The following WWOX variants were observed in gnomAD, a reference collection of about 807,000 sequenced individuals.
WWOX encodes WW domain containing oxidoreductase.
WWOX carries 69 observed loss-of-function variants against 46.2 expected under a neutral mutation model. The ratio of observed to expected loss-of-function variants is 1.49; its 90% CI spans 1.23 to 1.82. The LOEUF is 1.82. Among genes scored for constraint, WWOX ranks in the 40% most tolerant of loss-of-function variants. WWOX has a pLI of 0.00. For synonymous variants in WWOX, 359 were observed against 202.6 expected, an observed-to-expected ratio of 1.77 and a Z score of -6.56; for missense variants, 919 against 542.6, an observed-to-expected ratio of 1.69 and a Z score of -6.89.
intron 8 of WWOX, among the ~76,000 whole-genome samples, chr16:78,979,694 C>T (rs1251893116): frequency 3.9e-5 from 6 of 152,224 alleles, no homozygotes; most frequent in Admixed American, 1.3e-4. Flanking sequence ...CCTGTGTAGC[C>T]GTCCATGCTT....
intron 8 of WWOX, among the ~76,000 whole-genome samples, chr16:78,867,942 T>C (rs1040258001): frequency 3.9e-5 from 6 of 152,196 alleles, no homozygotes; most frequent in Admixed American, 2.6e-4. Context: ...CTGGTGGGAA[T>C]GTAAAATGGT....
intron 5 of WWOX, among the ~76,000 whole-genome samples, chr16:78,375,248 A>G (rs1269489777): frequency 6.6e-6 from 1 of 152,242 alleles, no homozygotes; most frequent in Non-Finnish European, 1.5e-5. Flanking sequence ...TCTGCATACC[A>G]AGCACATATC....
chr16:78,376,930 G>C (rs2081843597), intron 5 of WWOX, among the ~76,000 whole-genome samples: 1 of 152,186 alleles, frequency 6.6e-6, no homozygotes, highest in South Asian at 2.1e-4. Context: ...AACCAGAACA[G>C]ACAAATCTTG....
At chr16:78,711,710 A>G (rs1387619723) in intron 8 of WWOX, among the ~76,000 whole-genome samples, 6 of 152,204 alleles carry the variant, frequency 3.9e-5, no homozygotes, top group Non-Finnish European at 7.3e-5. Flanking sequence ...CAGTTTGAAT[A>G]TAAGTGTTCC....
intron 8 of WWOX, among the ~76,000 whole-genome samples, chr16:78,645,423 G>A (rs2046816540): frequency 6.6e-6 from 1 of 152,110 alleles, no homozygotes; most frequent in Non-Finnish European, 1.5e-5. Context: ...CTTTTGTGTT[G>A]CTATAAAGGA....
At chr16:79,056,732 G>A (rs191699733) in intron 8 of WWOX, among the ~76,000 whole-genome samples, 57 of 152,222 alleles carry the variant, frequency 3.7e-4, no homozygotes, top group African/African-American at 1.1e-3. Context: ...CTTCTCTACC[G>A]TATCCCTTTA....
Position 78,383,483 on chromosome 16 carries a change from C to G in WWOX, c.517-3377C>G, listed in dbSNP as rs774485146. On this transcript the variant is annotated intron_variant, in intron 5 of 8. Coordinates refer to ENST00000566780, the MANE Select transcript of WWOX (RefSeq NM_016373.4). ...CACTGCCAGACCTGGGAGGAAATCT[C>G]ACCTTGGCAGATCGAGTCTCTTGTC... is the stretch of plus-strand genomic sequence containing the variant. Among the ~76,000 whole-genome samples, 220 of 152,268 alleles carry G rather than the reference C, an allele frequency of 1.4e-3. 2 individuals carry two copies. Among genetic ancestry groups the G allele is most frequent in the Non-Finnish European group, 2.6e-3 (179 of 68,018 alleles).
Position 78,527,991 on chromosome 16 carries a change from C to CTTTTTTTTTTTTTTTTTTTTTTTTTT in WWOX, c.1056+95264_1056+95265insTTTTTTTTTTTTTTTTTTTTTTTTTT, listed in dbSNP as rs71140808. ...CTATGTCACAGGACTGGTACATGTC[C>CTTTTTTTTTTTTTTTTTTTTTTTTTT]TTTTTTTTTTTTTTTTTTTTTTTTT... On this transcript the variant is annotated intron_variant, in intron 8 of 8. Coordinates refer to ENST00000566780, the MANE Select transcript of WWOX (RefSeq NM_016373.4). Among the ~76,000 whole-genome samples, 33 of 34,882 alleles carry CTTTTTTTTTTTTTTTTTTTTTTTTTT rather than the reference C, an allele frequency of 9.5e-4. 3 individuals are homozygous for CTTTTTTTTTTTTTTTTTTTTTTTTTT. Among genetic ancestry groups the CTTTTTTTTTTTTTTTTTTTTTTTTTT allele is most frequent in the East Asian group, 2.0e-3 (2 of 1,024 alleles). 22.9% of individuals were successfully genotyped at this position (34,882 alleles called of 152,430 possible).
rs2084108918 is a variant in WWOX, at chr16:78,467,494, C to G, written c.1056+34742C>G. On this transcript the variant is annotated intron_variant, in intron 8 of 8. Coordinates refer to ENST00000566780, the MANE Select transcript of WWOX (RefSeq NM_016373.4). ...GATCAAAGGACCTCTTTTCATTGTTCTTTTATTGTTTATTGACTTCAAAAA... is the reference window on the plus strand; with the variant it reads ...GATCAAAGGACCTCTTTTCATTGTTGTTTTATTGTTTATTGACTTCAAAAA... 2.0e-5 allele frequency among the ~76,000 whole-genome samples: 3 copies of G among 152,086 alleles called. No individual in the cohort carries two copies. In the South Asian group the frequency reaches 6.2e-4, roughly 31 times the overall value.
intron 4 of WWOX, among the ~76,000 whole-genome samples, chr16:78,158,389 A>C (rs1597284077): frequency 6.6e-6 from 1 of 152,180 alleles, no homozygotes; most frequent in Admixed American, 6.5e-5. Flanking sequence ...CACAGATTAC[A>C]AAATATGGTA....
At chr16:78,513,468 G>A (rs906732610) in intron 8 of WWOX, among the ~76,000 whole-genome samples, 1 of 152,210 alleles carries the variant, frequency 6.6e-6, no homozygotes, top group Admixed American at 6.5e-5. Flanking sequence ...TCAATGGGTA[G>A]AGTTTGCTTT....
rs1032625160 is a variant in WWOX, at chr16:79,021,953, C to T, written c.1057-189655C>T. Among the ~76,000 whole-genome samples, 8 of 152,324 alleles carry T rather than the reference C, an allele frequency of 5.3e-5. No homozygotes were observed. In the East Asian group the frequency reaches 9.7e-4, roughly 18 times the overall value. On this transcript the variant is annotated intron_variant, in intron 8 of 8. Transcript: ENST00000566780. The stretch of plus-strand genomic sequence containing the variant: ...CCCAGTTCACTGAGAGTTAAAATCA[C>T]CCATGTGACGTTCTCTCTGCAGGCA...
At chr16:78,858,370 GTA>G (rs749758086) in intron 8 of WWOX, among the ~76,000 whole-genome samples, 1 of 151,716 alleles carries the variant, frequency 6.6e-6, no homozygotes, top group African/African-American at 2.4e-5. Context: ...GTGTGTGTAT[GTA>G]TATATATGTA....
At chr16:79,013,454 T>G (rs1011527856) in intron 8 of WWOX, among the ~76,000 whole-genome samples, 2 of 152,160 alleles carry the variant, frequency 1.3e-5, no homozygotes, top group Non-Finnish European at 2.9e-5. Context: ...TTTGTTTCTC[T>G]TTTTCTGTGT....
intron 8 of WWOX, among the ~76,000 whole-genome samples, chr16:79,137,392 T>C (rs902206765): frequency 2.0e-5 from 3 of 152,232 alleles, no homozygotes; most frequent in African/African-American, 4.8e-5. Context: ...ATTCAGTTTT[T>C]ATCACAGCTG....
At chr16:78,202,415 T>C (rs1358991016) in intron 5 of WWOX, among the ~76,000 whole-genome samples, 1 of 152,234 alleles carries the variant, frequency 6.6e-6, no homozygotes, top group Non-Finnish European at 1.5e-5. Context: ...GATCTGGCTT[T>C]ATCCATTTTA....
At chr16:78,233,258 A>G (rs1304617709) in intron 5 of WWOX, among the ~76,000 whole-genome samples, 2 of 152,180 alleles carry the variant, frequency 1.3e-5, no homozygotes, top group Admixed American at 6.5e-5. Flanking sequence ...TCTCTGTTCA[A>G]GGTATGCCTT....
At chr16:78,536,901 CTTT>C (rs35326105) in intron 8 of WWOX, among the ~76,000 whole-genome samples, 3,647 of 120,008 alleles carry the variant, frequency 0.03, 105 homozygotes, top group African/African-American at 0.092. Context: ...AGAGCCAAGT[CTTT>C]TTTTTTTTTT....
chr16:78,673,480 G>C (rs1472976845), intron 8 of WWOX, among the ~76,000 whole-genome samples: 3 of 152,094 alleles, frequency 2.0e-5, no homozygotes, highest in Non-Finnish European at 2.9e-5. Context: ...CTCTAAAACA[G>C]GGCTTCCAGG....
Sources: gnomAD v4.1 joint callset for allele counts (sites outside exome capture counted in the v4.1 genomes callset) on GRCh38, gnomAD v4.1.1 for gene constraint, MANE v1.5 for transcripts, NCBI Gene and HGNC (gene_info 2026-07-23, HGNC 2026-07-21) for gene names.